Variants in CNTNAP5 observed in about 807,000 individuals in gnomAD.
CNTNAP5 encodes the protein contactin associated protein family member 5.
Under a neutral mutation model 150.2 loss-of-function variants are expected in CNTNAP5, and 72 were observed. The ratio of observed to expected loss-of-function variants is 0.48; its 90% CI spans 0.40 to 0.58. The LOEUF (loss-of-function observed/expected upper bound fraction) is 0.58, where lower values mean the gene tolerates loss of function less well. Ranked by LOEUF, CNTNAP5 falls within the 20% of genes least tolerant of loss-of-function variation. The probability of loss-of-function intolerance (pLI) is 0.00; values close to 1 mark genes in which losing one functional copy is unlikely to be tolerated. For missense variants in CNTNAP5, 1,636 were observed against 1,626.2 expected (o/e 1.01, Z -0.10); for synonymous variants, 672 against 619.8 (o/e 1.08, Z -1.25).
rs985214035 is a variant in CNTNAP5, at chr2:124,562,335, C to G, written c.1650-882C>G. ...CTGTTATAATCATGTTTGTTATAAT[C>G]ATGTTTGTTCTGTTATAATCATGTT... On this transcript the variant is annotated intron_variant, in intron 10 of 23. Coordinates refer to ENST00000682447, the MANE Select transcript of CNTNAP5 (RefSeq NM_001367498.1). 2.6e-5 allele frequency among the ~76,000 whole-genome samples: 4 copies of G among 151,914 alleles called. No individual in the cohort carries two copies. In the East Asian group the frequency reaches 7.7e-4, roughly 29 times the overall value.
chr2:124,262,244 C>G (rs1381176432), intron 3 of CNTNAP5, among the ~76,000 whole-genome samples: 2 of 151,732 alleles, frequency 1.3e-5, no homozygotes, highest in African/African-American at 2.4e-5. Context: ...GACCCTGTCT[C>G]AAAAAATAAT....
At chr2:124,599,992 A>G (rs1696946242) in intron 11 of CNTNAP5, among the ~76,000 whole-genome samples, 1 of 151,986 alleles carries the variant, frequency 6.6e-6, no homozygotes, top group Admixed American at 6.6e-5. Flanking sequence ...CTCAGAGCTT[A>G]CCTTAGATTA....
At chr2:124,620,065 C>T (rs921620717) in intron 12 of CNTNAP5, among the ~76,000 whole-genome samples, 2 of 151,590 alleles carry the variant, frequency 1.3e-5, no homozygotes, top group Non-Finnish European at 2.9e-5. Context: ...ACATTAATCA[C>T]ACTGCATTAT....
chr2:124,779,157 G>C (rs962712103), intron 17 of CNTNAP5, among the ~76,000 whole-genome samples: 4 of 152,224 alleles, frequency 2.6e-5, no homozygotes, highest in Non-Finnish European at 4.4e-5. Context: ...ACCTTCAGAA[G>C]CTGCCTCAGC....
chr2:124,649,996 A>G, intron 13 of CNTNAP5, among the ~76,000 whole-genome samples: 1 of 152,194 alleles, frequency 6.6e-6, no homozygotes, highest in East Asian at 1.9e-4. Context: ...TTGATTAGAA[A>G]ACTCAACGTA....
At chr2:124,378,751 T>C (rs1467857145) in intron 3 of CNTNAP5, among the ~76,000 whole-genome samples, 1 of 152,140 alleles carries the variant, frequency 6.6e-6, no homozygotes, top group Non-Finnish European at 1.5e-5. Flanking sequence ...TGTATATTTA[T>C]ATATCTATTC....
intron 12 of CNTNAP5, among the ~76,000 whole-genome samples, chr2:124,632,143 G>A (rs1193265479): frequency 2.0e-5 from 3 of 152,110 alleles, no homozygotes; most frequent in Non-Finnish European, 1.5e-5. Context: ...AGACAGTGTG[G>A]CAATTCCTCA....
intron 1 of CNTNAP5, among the ~76,000 whole-genome samples, chr2:124,050,980 C>T (rs1219326904): frequency 6.6e-6 from 1 of 152,048 alleles, no homozygotes; most frequent in Non-Finnish European, 1.5e-5. Context: ...GAGAATTTTC[C>T]TGGACTGTAG....
intron 1 of CNTNAP5, among the ~76,000 whole-genome samples, chr2:124,121,048 G>T (rs1241819146): frequency 2.0e-5 from 3 of 151,914 alleles, no homozygotes; most frequent in Non-Finnish European, 4.4e-5. Context: ...CACTCAGGAG[G>T]TTCAGTGTGT....
chr2:124,581,257 G>C (rs977275119), intron 11 of CNTNAP5, among the ~76,000 whole-genome samples: 1 of 152,142 alleles, frequency 6.6e-6, no homozygotes. Flanking sequence ...ATCATTTCAG[G>C]TTTCTTAATT....
intron 22 of CNTNAP5, 96 bp downstream of exon 22, chr2:124,903,196 TC>T: frequency 1.4e-6 from 1 of 726,780 alleles, no homozygotes; most frequent in African/African-American, 1.8e-5. Flanking sequence ...CTAATGTGAC[TC>T]AGTTTTTACT....
Position 124,812,452 on chromosome 2 carries a change from G to A in CNTNAP5, c.3217+14132G>A, listed in dbSNP as rs373868783. 1.1e-3 allele frequency among the ~76,000 whole-genome samples: 165 copies of A among 151,916 alleles called. 3 individuals carry two copies. In the South Asian group the frequency reaches 0.033, roughly 31 times the overall value. ...TGGTTTAGGCCATGACAGGAAAGGGGCGGTTGGACATACTGCATTATACCC... is the reference window on the plus strand; with the variant it reads ...TGGTTTAGGCCATGACAGGAAAGGGACGGTTGGACATACTGCATTATACCC... On this transcript the variant is annotated intron_variant, in intron 19 of 23. Transcript: ENST00000682447.
At chr2:124,773,907 TGC>T (rs1269788862) in intron 17 of CNTNAP5, among the ~76,000 whole-genome samples, 6 of 41,250 alleles carry the variant, frequency 1.5e-4, no homozygotes, top group East Asian at 8.5e-4. Flanking sequence ...CATAAGGGAG[TGC>T]GTGTGTGTGT....
intron 21 of CNTNAP5, among the ~76,000 whole-genome samples, chr2:124,901,028 C>A (rs1204303220): frequency 6.6e-6 from 1 of 151,640 alleles, no homozygotes; most frequent in Admixed American, 6.6e-5. Context: ...GTGATCCTTT[C>A]ATGAATAAGT....
chr2:124,570,265 G>A (rs1201608415), intron 11 of CNTNAP5, among the ~76,000 whole-genome samples: 1 of 152,180 alleles, frequency 6.6e-6, no homozygotes. Context: ...TCTTGAGAAA[G>A]TGAGAAAGTG....
At chr2:124,106,493 A>T (rs1009608930) in intron 1 of CNTNAP5, among the ~76,000 whole-genome samples, 1 of 152,144 alleles carries the variant, frequency 6.6e-6, no homozygotes, top group African/African-American at 2.4e-5. Context: ...TATGAAATTA[A>T]ACCTCCATTA....
chr2:124,636,744 C>T (rs1677977900), intron 12 of CNTNAP5, among the ~76,000 whole-genome samples: 3 of 151,898 alleles, frequency 2.0e-5, no homozygotes, highest in African/African-American at 7.2e-5. Flanking sequence ...TCAGCACTTA[C>T]TACATGTGAA....
chr2:124,295,718 T>C (rs1203696251), intron 3 of CNTNAP5, among the ~76,000 whole-genome samples: 1 of 97,344 alleles, frequency 1.0e-5, no homozygotes, highest in Non-Finnish European at 2.2e-5. Context: ...TTGCCTATTT[T>C]ATGTTTATTT....
At chr2:124,391,829 G>A (rs1033112083) in intron 3 of CNTNAP5, among the ~76,000 whole-genome samples, 2 of 152,118 alleles carry the variant, frequency 1.3e-5, no homozygotes, top group African/African-American at 2.4e-5. Context: ...GGTGGCGGGC[G>A]CCTGTAGTCC....
Sources: gnomAD v4.1 joint callset for allele counts (sites outside exome capture counted in the v4.1 genomes callset) on GRCh38, gnomAD v4.1.1 for gene constraint, MANE v1.5 for transcripts, NCBI Gene and HGNC (gene_info 2026-07-23, HGNC 2026-07-21) for gene names.